The following HMBOX1 variants were observed in gnomAD, a reference collection of about 807,000 sequenced individuals.
HMBOX1 encodes the protein homeobox containing 1.
A neutral mutation model predicts 54.5 loss-of-function variants in HMBOX1; 14 were observed. The observed-to-expected ratio is 0.26, with a 90% confidence interval of 0.17 to 0.40. The LOEUF (loss-of-function observed/expected upper bound fraction) is 0.40, where lower values mean the gene tolerates loss of function less well. HMBOX1 is among the 10% of genes least tolerant of loss of function. HMBOX1 has a pLI of 1.00. For missense variants in HMBOX1, 332 were observed against 514.4 expected, an observed-to-expected ratio of 0.65 and a Z score of 3.43; for synonymous variants, 160 against 181.0, an observed-to-expected ratio of 0.88 and a Z score of 0.93.
rs1312107101 is a variant in HMBOX1, at chr8:29,051,172, T to C, written c.*17T>C. 25 of 1,612,880 alleles carry C rather than the reference T, an allele frequency of 1.6e-5. No individual in the cohort carries two copies. The highest frequency in any genetic ancestry group is 1.9e-5 in the Non-Finnish European group (22 of 1,179,566). On this transcript the variant is annotated 3_prime_UTR_variant, in exon 10 of 10. Coordinates refer to ENST00000287701, the MANE Select transcript of HMBOX1 (RefSeq NM_001135726.3). ...GATGACTGATCAGGGAGGTTAAACA[T>C]GACAAGTTAACTTAGTTTAGACGTA...
intron 6 of HMBOX1, among the ~76,000 whole-genome samples, chr8:29,022,926 A>T (rs1367812952): frequency 6.6e-6 from 1 of 152,150 alleles, no homozygotes; most frequent in African/African-American, 2.4e-5. Flanking sequence ...TTAAACCTGT[A>T]TATCAAAATA....
chr8:29,004,866 G>A (rs1350028775), intron 4 of HMBOX1, among the ~76,000 whole-genome samples: 1 of 152,148 alleles, frequency 6.6e-6, no homozygotes, highest in Admixed American at 6.5e-5. Flanking sequence ...GTGTTCAGCT[G>A]AAGGACCAAA....
intron 4 of HMBOX1, among the ~76,000 whole-genome samples, chr8:29,005,942 T>C (rs1833387200): frequency 1.3e-5 from 2 of 152,036 alleles, no homozygotes; most frequent in Admixed American, 1.3e-4. Flanking sequence ...TTCTATTTAG[T>C]ATAGTAGTCT....
intron 1 of HMBOX1, among the ~76,000 whole-genome samples, chr8:28,938,037 A>T (rs1020507547): frequency 5.9e-5 from 9 of 152,170 alleles, no homozygotes; most frequent in African/African-American, 1.9e-4. Context: ...CCAGGATAAC[A>T]GGCTTTTGTT....
At chr8:28,941,970 G>A (rs1028677635) in intron 1 of HMBOX1, among the ~76,000 whole-genome samples, 7 of 152,118 alleles carry the variant, frequency 4.6e-5, no homozygotes, top group African/African-American at 1.2e-4. Flanking sequence ...GAACAGAAAC[G>A]AATACTCTTT....
At chr8:29,002,803 A>G (rs901565780) in intron 4 of HMBOX1, among the ~76,000 whole-genome samples, 15 of 152,118 alleles carry the variant, frequency 9.9e-5, no homozygotes, top group African/African-American at 3.1e-4. Flanking sequence ...TATTACTTCT[A>G]CCTGTCCTGT....
At chr8:28,916,602 C>G (rs1816599333) in intron 1 of HMBOX1, among the ~76,000 whole-genome samples, 1 of 152,094 alleles carries the variant, frequency 6.6e-6, no homozygotes, top group Non-Finnish European at 1.5e-5. Flanking sequence ...ACACCTTTGT[C>G]AAATATTAAT....
Position 29,049,055 on chromosome 8 carries a change from C to T in HMBOX1, c.1125+7C>T. ...GAATGACTACTCTGAGCAGGTGAGC[C>T]CCTGCGCAGCTGGGCGAGGTTCTTG... On this transcript the variant is annotated splice_region_variant and intron_variant, in intron 9 of 9. Coordinates refer to ENST00000287701, the MANE Select transcript of HMBOX1 (RefSeq NM_001135726.3). 6.2e-7 allele frequency: 1 copy of T among 1,611,460 alleles called. No homozygotes were observed. The highest frequency in any genetic ancestry group is 1.1e-5 in the South Asian group (1 of 91,016).
chr8:29,009,153 G>T lies in HMBOX1; in HGVS notation c.668G>T (p.Arg223Leu). 1.2e-6 allele frequency: 2 copies of T among 1,613,152 alleles called. No homozygotes were observed. The highest frequency in any genetic ancestry group is 1.7e-6 in the Non-Finnish European group (2 of 1,179,214). The change falls in exon 5 of 10, where the codon CGA becomes CTA. Residue 223 changes from arginine (R) to leucine (L), a missense_variant. Physicochemically the swap from Arg to Leu is moderately radical, Grantham distance 102. Around this residue, in one of 4 missense-constraint regions of HMBOX1, gnomAD observed 117 missense variants for 220.0 expected, o/e 0.53. Coordinates refer to ENST00000287701, the MANE Select transcript of HMBOX1 (RefSeq NM_001135726.3). ...LSEQKKRAFY[R>L]WYQLEKTNPG... ...GAACAGAAGAAAAGAGCATTTTACC[G>T]ATGGTATCAACTTGAGAAGACAAAC...
At chr8:28,944,733 C>T (rs1261387763) in intron 1 of HMBOX1, among the ~76,000 whole-genome samples, 1 of 152,124 alleles carries the variant, frequency 6.6e-6, no homozygotes, top group African/African-American at 2.4e-5. Context: ...AGTGATTACA[C>T]AGCTATTAGG....
chr8:29,016,207 A>G (rs988825751), intron 5 of HMBOX1, among the ~76,000 whole-genome samples: 1 of 152,262 alleles, frequency 6.6e-6, no homozygotes, highest in Non-Finnish European at 1.5e-5. Flanking sequence ...ATGACAGACC[A>G]GAAAAAAATT....
At chr8:28,976,687 T>C (rs11136053) in intron 3 of HMBOX1, among the ~76,000 whole-genome samples, 15,493 of 151,838 alleles carry the variant, frequency 0.1, 870 homozygotes, top group South Asian at 0.24. Flanking sequence ...GAGCTTTTTA[T>C]TTCTTTTCTT....
intron 6 of HMBOX1, among the ~76,000 whole-genome samples, chr8:29,026,063 CACACA>C: frequency 6.6e-6 from 1 of 151,784 alleles, no homozygotes; most frequent in African/African-American, 2.4e-5. Flanking sequence ...CACACACACA[CACACA>C]CACACACACA....
intron 6 of HMBOX1, among the ~76,000 whole-genome samples, chr8:29,039,698 C>T (rs1172644746): frequency 6.6e-6 from 1 of 151,982 alleles, no homozygotes; most frequent in African/African-American, 2.4e-5. Context: ...TTGATGCTTC[C>T]TTTTTTCTGA....
At chr8:28,961,541 T>A (rs1241762758) in intron 1 of HMBOX1, among the ~76,000 whole-genome samples, 1 of 152,242 alleles carries the variant, frequency 6.6e-6, no homozygotes, top group Non-Finnish European at 1.5e-5. Flanking sequence ...GTTTCCTTCC[T>A]TTTAAAGGCT....
intron 1 of HMBOX1, among the ~76,000 whole-genome samples, chr8:28,905,682 A>G (rs982608504): frequency 1.3e-5 from 2 of 152,158 alleles, no homozygotes; most frequent in African/African-American, 4.8e-5. Context: ...ATTTTTGTGT[A>G]TGCTTCAAGG....
chr8:28,955,003 G>A (rs1824158345), intron 1 of HMBOX1, among the ~76,000 whole-genome samples: 1 of 152,056 alleles, frequency 6.6e-6, no homozygotes, highest in Non-Finnish European at 1.5e-5. Flanking sequence ...TCTTGATTAT[G>A]TTTTTCTTCA....
At chr8:28,992,670 A>ACTC (rs1031022111) in intron 4 of HMBOX1, among the ~76,000 whole-genome samples, 1 of 151,966 alleles carries the variant, frequency 6.6e-6, no homozygotes, top group Non-Finnish European at 1.5e-5. Context: ...GGAGTTCAAG[A>ACTC]CGAGTCTGGT....
chr8:29,010,705 G>T (rs1431668905), intron 5 of HMBOX1, among the ~76,000 whole-genome samples: 3 of 151,898 alleles, frequency 2.0e-5, no homozygotes, highest in Non-Finnish European at 1.5e-5. Context: ...TTATACCTAA[G>T]AAAATTAATA....
Sources: gnomAD v4.1 joint callset for allele counts (sites outside exome capture counted in the v4.1 genomes callset) on GRCh38, gnomAD v4.1.1 for gene constraint, gnomAD v4.1.1 regional missense constraint, MANE v1.5 for transcripts, NCBI Gene and HGNC (gene_info 2026-07-23, HGNC 2026-07-21) for gene names.